Variants in CCDC171 observed in about 807,000 individuals in gnomAD.
CCDC171 encodes the protein coiled-coil domain-containing protein 171.
A neutral mutation model predicts 168.2 loss-of-function variants in CCDC171; 177 were observed. That is an observed-to-expected ratio of 1.05 (90% CI 0.93 to 1.19). The LOEUF is 1.19. CCDC171 is among the 50% of genes most tolerant of loss of function. CCDC171 has a pLI of 0.00. For synonymous variants in CCDC171, 687 were observed against 540.8 expected (o/e 1.27, Z -3.75); for missense variants, 1,991 against 1,539.0 (o/e 1.29, Z -4.91).
chr9:15,583,327 G>C (rs548104944), intron 4 of CCDC171, among the ~76,000 whole-genome samples: 1 of 150,510 alleles, frequency 6.6e-6, no homozygotes, highest in South Asian at 2.1e-4. Flanking sequence ...AGGCAGAATA[G>C]CTTGAACCTG....
intron 10 of CCDC171, among the ~76,000 whole-genome samples, chr9:15,683,341 G>A (rs1224635969): frequency 1.3e-5 from 2 of 151,900 alleles, no homozygotes; most frequent in African/African-American, 4.8e-5. Context: ...TGTGGTGAAG[G>A]TAATATTTCT....
rs575022822 is a variant in CCDC171, at chr9:15,963,725, C to CA, written c.3754-7882dup. Among the ~76,000 whole-genome samples the CA allele has an allele frequency of 2.1e-4, 32 of 152,230 alleles. No individual in the cohort carries two copies. In the East Asian group the frequency reaches 3.1e-3, roughly 15 times the overall value. On this transcript the variant is annotated intron_variant, in intron 25 of 25. Coordinates refer to ENST00000380701, the MANE Select transcript of CCDC171 (RefSeq NM_173550.4). ...TTGGTTATTATACTACTCTCTCCCC[C>CA]AATCAGACATCTAATCTGTACATGA...
intron 24 of CCDC171, among the ~76,000 whole-genome samples, chr9:15,911,455 C>T (rs1823626296): frequency 6.6e-6 from 1 of 152,148 alleles, no homozygotes; most frequent in Non-Finnish European, 1.5e-5. Context: ...AGCCCTTTGT[C>T]AGATGGATAG....
intron 6 of CCDC171, among the ~76,000 whole-genome samples, chr9:15,608,460 C>A (rs916479475): frequency 2.0e-5 from 3 of 152,102 alleles, no homozygotes; most frequent in East Asian, 3.9e-4. Flanking sequence ...TCCTTTACAG[C>A]CTCTTGGTAT....
At chr9:15,676,365 C>A (rs200593900) in intron 9 of CCDC171, among the ~76,000 whole-genome samples, 1 of 152,058 alleles carries the variant, frequency 6.6e-6, no homozygotes, top group Non-Finnish European at 1.5e-5. Flanking sequence ...ACCTTCTGAA[C>A]CCTACTTCTG....
chr9:15,664,689 G>GTTTTTTTTTTTTTTTTTTTTTTTTTTT (rs1327362793), intron 8 of CCDC171, among the ~76,000 whole-genome samples: 1 of 133,014 alleles, frequency 7.5e-6, no homozygotes, highest in Non-Finnish European at 1.6e-5. Flanking sequence ...AGGGAATATA[G>GTTTTTTTTTTTTTTTTTTTTTTTTTTT]TTTTGTTTTT....
intron 11 of CCDC171, among the ~76,000 whole-genome samples, chr9:15,699,069 G>A (rs1036467227): frequency 3.6e-5 from 5 of 137,070 alleles, no homozygotes; most frequent in African/African-American, 8.1e-5. Context: ...GAATGAAGCC[G>A]TGGACCCTTG....
intron 6 of CCDC171, among the ~76,000 whole-genome samples, chr9:15,600,546 A>C (rs977999434): frequency 6.8e-4 from 104 of 151,904 alleles, no homozygotes; most frequent in African/African-American, 2.1e-3. Context: ...GTCTGCCCCT[A>C]CTCAGGGGTG....
chr9:15,957,916 G>A (rs539914300), intron 25 of CCDC171, among the ~76,000 whole-genome samples: 2 of 152,216 alleles, frequency 1.3e-5, no homozygotes, highest in East Asian at 3.9e-4. Context: ...ATAAAGATTA[G>A]CATAGAAAGG....
chr9:15,970,115 C>T (rs1022334985), intron 25 of CCDC171, among the ~76,000 whole-genome samples: 3 of 152,092 alleles, frequency 2.0e-5, no homozygotes, highest in Non-Finnish European at 4.4e-5. Flanking sequence ...TATTGGCCTG[C>T]AGTAGAGTAT....
At chr9:15,653,388 T>A (rs2047679898) in intron 7 of CCDC171, among the ~76,000 whole-genome samples, 1 of 151,988 alleles carries the variant, frequency 6.6e-6, no homozygotes, top group Non-Finnish European at 1.5e-5. Flanking sequence ...GTGATCTCCC[T>A]GAGTTGGCCT....
intron 23 of CCDC171, among the ~76,000 whole-genome samples, chr9:15,870,841 C>T (rs1403279348): frequency 6.7e-6 from 1 of 149,906 alleles, no homozygotes; most frequent in Admixed American, 6.7e-5. Flanking sequence ...ACATTGTTTA[C>T]TTGTGAGTAA....
chr9:16,076,384 A>G, the CCDC171 span, among the ~76,000 whole-genome samples: 3 of 152,122 alleles, frequency 2.0e-5, no homozygotes, highest in African/African-American at 7.2e-5. Flanking sequence ...CACAGTTTCT[A>G]TTTGAGTCCT....
chr9:15,668,342 A>T (rs1211289092), intron 9 of CCDC171, among the ~76,000 whole-genome samples: 1 of 152,160 alleles, frequency 6.6e-6, no homozygotes, highest in Non-Finnish European at 1.5e-5. Flanking sequence ...TGGACCCCAA[A>T]GCAGTTTTTT....
In CCDC171 at chr9:15,842,295, C is replaced by G. The variant is rs150086806; in HGVS notation, c.3268-4407C>G. Among the ~76,000 whole-genome samples the G allele has an allele frequency of 1.6e-4, 25 of 152,134 alleles. No homozygotes were observed. In the East Asian group the frequency reaches 4.8e-3, roughly 29 times the overall value. ...CTTAGCGGCCTAATGGTCTAAAGCA[C>G]TGCTATACTGTACCCTTATGAGAAA... On this transcript the variant is annotated intron_variant, in intron 21 of 25. Transcript: ENST00000380701.
chr9:15,815,155 T>C (rs2059516852), intron 21 of CCDC171, among the ~76,000 whole-genome samples: 1 of 152,194 alleles, frequency 6.6e-6, no homozygotes, highest in Admixed American at 6.5e-5. Context: ...TTACTTCTGC[T>C]ATCTTGTCTT....
At chr9:15,571,537 G>A in intron 2 of CCDC171, 87 bp from the exon 3 acceptor site, 6 of 1,162,140 alleles carry the variant, frequency 5.2e-6, no homozygotes, top group Non-Finnish European at 7.1e-6. Context: ...TTTGTTTTTT[G>A]AAAAATAAGT....
rs571229736 is a variant in CCDC171 at position 15,819,275 on chromosome 9, A to G, written c.3268-27427A>G. Among the ~76,000 whole-genome samples, 2 of 117,990 alleles carry G rather than the reference A, an allele frequency of 1.7e-5. 1 individual carries two copies. The highest frequency in any genetic ancestry group is 5.6e-4 in the South Asian group (2 of 3,580). 77.4% of individuals were successfully genotyped at this position (117,990 alleles called of 152,430 possible). The stretch of plus-strand genomic sequence containing the variant: ...TAAAGACCATCGAGGCTAGGAAGAA[A>G]CTGCATCAACTAACGAGCAAAATAA... On this transcript the variant is annotated intron_variant, in intron 21 of 25. Coordinates refer to ENST00000380701, the MANE Select transcript of CCDC171 (RefSeq NM_173550.4).
At chr9:16,056,307 T>C (rs1339883348) in intron 1 of CCDC171, among the ~76,000 whole-genome samples, 2 of 152,204 alleles carry the variant, frequency 1.3e-5, no homozygotes, top group African/African-American at 2.4e-5. Flanking sequence ...TCTATGTTTG[T>C]ACTGTCTAAT....
Sources: allele counts gnomAD v4.1 joint callset (sites outside exome capture counted in the v4.1 genomes callset), GRCh38; gene constraint gnomAD v4.1.1; transcripts MANE v1.5; gene names NCBI Gene and HGNC (gene_info 2026-07-23, HGNC 2026-07-21).